Variants in ATP10B observed in about 807,000 individuals in gnomAD.
The protein encoded by ATP10B is phospholipid-transporting ATPase VB.
Under a neutral mutation model 141.2 loss-of-function variants are expected in ATP10B, and 122 were observed. That is an observed-to-expected ratio of 0.86 (90% CI 0.75 to 1.00). ATP10B has a LOEUF of 1.00. ATP10B is among the 50% of genes least tolerant of loss of function. The pLI is 0.00. For missense variants in ATP10B, 1,876 were observed against 1,825.3 expected (o/e 1.03, Z -0.51); for synonymous variants, 685 against 692.0 (o/e 0.99, Z 0.16).
intron 6 of ATP10B, among the ~76,000 whole-genome samples, chr5:160,673,523 ATTTTG>A (rs1187029587): frequency 1.6e-4 from 5 of 31,882 alleles, no homozygotes; most frequent in Non-Finnish European, 2.4e-4. Flanking sequence ...TAATCATTCT[ATTTTG>A]TTTTGTTTTT....
chr5:160,733,663 C>T (rs1412792209), intron 2 of ATP10B, among the ~76,000 whole-genome samples: 2 of 103,052 alleles, frequency 1.9e-5, no homozygotes, highest in Non-Finnish European at 3.7e-5. Flanking sequence ...ATATATGTAA[C>T]GTTATATATA....
At chr5:160,664,653 T>C (rs1049366730) in intron 7 of ATP10B, among the ~76,000 whole-genome samples, 1 of 152,214 alleles carries the variant, frequency 6.6e-6, no homozygotes, top group African/African-American at 2.4e-5. Flanking sequence ...AGATTCTGCA[T>C]TTCTGACAAG....
At chr5:160,715,321 G>A (rs1280040121) in intron 3 of ATP10B, among the ~76,000 whole-genome samples, 2 of 132,460 alleles carry the variant, frequency 1.5e-5, no homozygotes, top group African/African-American at 2.9e-5. Flanking sequence ...CTCGTGGTGC[G>A]CCGTTTCTTA....
the ATP10B span, among the ~76,000 whole-genome samples, chr5:160,900,388 C>T: frequency 6.6e-6 from 1 of 152,246 alleles, no homozygotes; most frequent in South Asian, 2.1e-4. Context: ...TGTCATGATT[C>T]CCATTTTATA....
At chr5:160,759,050 C>T (rs960497464) in intron 2 of ATP10B, among the ~76,000 whole-genome samples, 5 of 152,046 alleles carry the variant, frequency 3.3e-5, no homozygotes, top group African/African-American at 1.2e-4. Flanking sequence ...CTCAGAAACA[C>T]AATCCACAAA....
chr5:160,629,245 A>C (rs1581225722), intron 13 of ATP10B, among the ~76,000 whole-genome samples: 1 of 152,096 alleles, frequency 6.6e-6, no homozygotes, highest in Admixed American at 6.5e-5. Context: ...CGAGACAGCC[A>C]CCTGGGGCTG....
At chr5:160,733,037 G>T (rs1481863110) in intron 2 of ATP10B, among the ~76,000 whole-genome samples, 1 of 152,108 alleles carries the variant, frequency 6.6e-6, no homozygotes. Context: ...TATGTAGATT[G>T]CTTTGGGTAT....
In ATP10B at chr5:160,825,427, C is replaced by G. The variant is rs1774517063; in HGVS notation, c.-576+26514G>C. Among the ~76,000 whole-genome samples the G allele has an allele frequency of 2.0e-5, 3 of 152,274 alleles. No homozygotes were observed. In the South Asian group the frequency reaches 6.2e-4, roughly 32 times the overall value. ...AAGGGGAAACCCTTTCTCTTGGCTC[C>G]TATTCTCTTGTCTGCTGCCATGTGA... On this transcript the variant is annotated intron_variant, in intron 1 of 25. Coordinates refer to ENST00000327245, the MANE Select transcript of ATP10B (RefSeq NM_025153.3).
intron 3 of ATP10B, among the ~76,000 whole-genome samples, chr5:160,706,231 AC>A (rs1471677174): frequency 6.6e-6 from 1 of 152,244 alleles, no homozygotes; most frequent in Non-Finnish European, 1.5e-5. Flanking sequence ...ACCCAGAGAC[AC>A]AAAACCAGCA....
At chr5:160,639,474 TGCA>T (rs532632002) in intron 10 of ATP10B, among the ~76,000 whole-genome samples, 134 of 152,270 alleles carry the variant, frequency 8.8e-4, no homozygotes, top group African/African-American at 3.2e-3. Flanking sequence ...GAGCTACTGC[TGCA>T]GATGAGGAGA....
intron 1 of ATP10B, among the ~76,000 whole-genome samples, chr5:160,818,699 A>C (rs867950760): frequency 2.6e-5 from 4 of 152,268 alleles, no homozygotes; most frequent in South Asian, 2.1e-4. Context: ...CACATACACA[A>C]ATATGTTTAT....
rs1018937025 is a variant in ATP10B, at chr5:160,607,114, T to A, written c.2839-28A>T. The A allele has an allele frequency of 1.9e-6, 3 of 1,574,036 alleles. No homozygotes were observed. The African/African-American group carries it at 4.1e-5, about 21-fold the overall frequency. ...ATAAAGAAGCATAATAATACAGTAT[T>A]TGTAAGCAACCTTGGAAATGCATGT... On this transcript the variant is annotated intron_variant, in intron 18 of 25. Coordinates refer to ENST00000327245, the MANE Select transcript of ATP10B (RefSeq NM_025153.3).
At chr5:160,720,250 T>C (rs755237570) in intron 2 of ATP10B, among the ~76,000 whole-genome samples, 3 of 152,092 alleles carry the variant, frequency 2.0e-5, no homozygotes, top group Non-Finnish European at 4.4e-5. Context: ...ATCATGAAAA[T>C]AAATGAAGGG....
chr5:160,590,995 TTA>T (rs2127612155), intron 23 of ATP10B, 62 bp downstream of exon 23: 2 of 1,404,060 alleles, frequency 1.4e-6, no homozygotes, highest in East Asian at 4.6e-5. Context: ...GTCTGGAACT[TTA>T]TATAAAAAGG....
chr5:160,787,105 G>GACAC (rs58517660), intron 1 of ATP10B, among the ~76,000 whole-genome samples: 4,373 of 133,564 alleles, frequency 0.033, 77 homozygotes, highest in African/African-American at 0.046. Flanking sequence ...TTTTGACACA[G>GACAC]ACACACACAC....
At chr5:160,812,020 C>CACAGAGAGAGAGAGAGAGAGAGAGAG (rs1211580744) in intron 1 of ATP10B, among the ~76,000 whole-genome samples, 14 of 111,524 alleles carry the variant, frequency 1.3e-4, no homozygotes, top group Non-Finnish European at 1.0e-4. Flanking sequence ...GAGACAGAGA[C>CACAGAGAGAGAGAGAGAGAGAGAGAG]AGAGAGAGAG....
chr5:160,772,008 G>C (rs572938342), intron 2 of ATP10B, among the ~76,000 whole-genome samples: 2 of 152,392 alleles, frequency 1.3e-5, no homozygotes, highest in Admixed American at 1.3e-4. Context: ...TCCTGCAAGA[G>C]AGATTTGAAG....
At chr5:160,924,666 C>G in the ATP10B span, among the ~76,000 whole-genome samples, 1 of 152,170 alleles carries the variant, frequency 6.6e-6, no homozygotes, top group African/African-American at 2.4e-5. Context: ...GCTATCATGG[C>G]TTAAGGACAC....
At chr5:160,870,555 A>G in the ATP10B span, among the ~76,000 whole-genome samples, 1 of 152,254 alleles carries the variant, frequency 6.6e-6, no homozygotes, top group East Asian at 1.9e-4. Flanking sequence ...TAAAAACTTC[A>G]GAGCAGAATA....
Sources: allele counts gnomAD v4.1 joint callset (sites outside exome capture counted in the v4.1 genomes callset), GRCh38; gene constraint gnomAD v4.1.1; transcripts MANE v1.5; gene names NCBI Gene and HGNC (gene_info 2026-07-23, HGNC 2026-07-21).